Variants in TNFRSF1A observed in about 807,000 individuals in gnomAD.
The protein encoded by TNFRSF1A is tumor necrosis factor receptor superfamily member 1A.
A neutral mutation model predicts 41.6 loss-of-function variants in TNFRSF1A; 9 were observed. The observed-to-expected ratio is 0.22, with a 90% CI of 0.13 to 0.38. TNFRSF1A has a LOEUF of 0.38. Among genes scored for constraint, TNFRSF1A ranks in the 10% least tolerant of loss-of-function variants. The probability of loss-of-function intolerance (pLI) is 1.00; values close to 1 mark genes in which losing one functional copy is unlikely to be tolerated. For missense variants in TNFRSF1A, 463 were observed against 591.5 expected, an observed-to-expected ratio of 0.78 and a Z score of 2.25; for synonymous variants, 254 against 248.6, an observed-to-expected ratio of 1.02 and a Z score of -0.21.
At chr12:6,339,203 T>A (rs1948155825) in intron 1 of TNFRSF1A, among the ~76,000 whole-genome samples, 1 of 152,140 alleles carries the variant, frequency 6.6e-6, no homozygotes, top group South Asian at 2.1e-4. Flanking sequence ...CTTCCTCACA[T>A]CAGTATCCAA....
In TNFRSF1A at chr12:6,328,979, C is replaced by T. The variant is rs4149646; in HGVS notation, c.*333G>A. ...ACAAAAACAAAAAAAACTGCTTATGCACTGTGAAAAAGGCTCAGGGACGAA... is the reference window on the plus strand; with the variant it reads ...ACAAAAACAAAAAAAACTGCTTATGTACTGTGAAAAAGGCTCAGGGACGAA... On this transcript the variant is annotated 3_prime_UTR_variant, in exon 10 of 10. Transcript: ENST00000162749. The T allele has an allele frequency of 0.023, 7,928 of 352,354 alleles. 521 individuals carry two copies. The highest frequency in any genetic ancestry group is 0.15 in the African/African-American group (6,931 of 47,598). 21.8% of individuals were successfully genotyped at this position (352,354 alleles called of 1,614,324 possible).
At position 6,333,327 on chromosome 12, in the gene TNFRSF1A, G is replaced by C. The variant is rs549803373; in HGVS notation, c.472+40C>G. 14 of 1,606,536 alleles carry C rather than the reference G, an allele frequency of 8.7e-6. No individual in the cohort carries two copies. In the South Asian group the frequency reaches 1.3e-4, roughly 15 times the overall value. ...CGCATGGGGAAGGGGCCAACCCCTG[G>C]GGTGGGGAGAGGGCTTGGCCTCAGG... On this transcript the variant is annotated intron_variant, in intron 4 of 9. Coordinates refer to ENST00000162749, the MANE Select transcript of TNFRSF1A (RefSeq NM_001065.4). This position sits in a 1 kb window ranked among gnomAD's most constrained non-coding sequence, Gnocchi z 6.3.
At chr12:6,331,212 C>A (rs1592045573) in intron 5 of TNFRSF1A, 2 of 481,872 alleles carry the variant, frequency 4.2e-6, no homozygotes, top group African/African-American at 1.9e-5. Flanking sequence ...TGAATCTAGG[C>A]AAGCCATTAA....
rs751702101 is a variant in TNFRSF1A at position 6,337,878 on chromosome 12, G to A, written c.40-3634C>T. Among the ~76,000 whole-genome samples the A allele has an allele frequency of 2.6e-5, 4 of 152,082 alleles. No individual in the cohort carries two copies. The highest frequency in any genetic ancestry group is 4.4e-5 in the Non-Finnish European group (3 of 68,024). ...GCAGATAAATATGGATCAACTGATC[G>A]ATCTAATGATACATCTGTCTTCCAC... On this transcript the variant is annotated intron_variant, in intron 1 of 9. Coordinates refer to ENST00000162749, the MANE Select transcript of TNFRSF1A (RefSeq NM_001065.4). The surrounding 1 kb of genome is among the most constrained non-coding windows in gnomAD (Gnocchi z 4.6).
Position 6,334,271 on chromosome 12 carries a change from A to G in TNFRSF1A, c.40-27T>C. The G allele has an allele frequency of 6.2e-7, 1 of 1,605,456 alleles. No individual in the cohort carries two copies. The highest frequency in any genetic ancestry group is 1.7e-5 in the Admixed American group (1 of 59,796). On this transcript the variant is annotated intron_variant, in intron 1 of 9. Coordinates refer to ENST00000162749, the MANE Select transcript of TNFRSF1A (RefSeq NM_001065.4). This position sits in a 1 kb window ranked among gnomAD's most constrained non-coding sequence, Gnocchi z 5.1. ...TGGGGAAGAATCAGATAGAGGAGAC[A>G]CCATCAAGAGAGGGAGGGATGGGAA... is the stretch of plus-strand genomic sequence containing the variant.
intron 1 of TNFRSF1A, among the ~76,000 whole-genome samples, chr12:6,339,835 T>A (rs1948167341): frequency 7.7e-6 from 1 of 130,386 alleles, no homozygotes; most frequent in Non-Finnish European, 1.5e-5. Context: ...TCTCTCTCTC[T>A]CTCTCTCACA....
At position 6,334,187 on chromosome 12, in the gene TNFRSF1A, G is replaced by C; in HGVS notation, c.97C>G (p.His33Asp). 6.2e-7 allele frequency: 1 copy of C among 1,613,812 alleles called. No individual in the cohort carries two copies. The highest frequency in any genetic ancestry group is 8.5e-7 in the Non-Finnish European group (1 of 1,179,700). Residue 33 changes from histidine (H) to aspartate (D), a missense_variant, in exon 2 of 10, where the codon CAC becomes GAC. Coordinates refer to ENST00000162749, the MANE Select transcript of TNFRSF1A (RefSeq NM_001065.4). The surrounding 1 kb of genome is among the most constrained non-coding windows in gnomAD (Gnocchi z 5.1). ...YPSGVIGLVP[H>D]LGDREKRDSV... ...TCTCTCTTCTCCCTGTCCCCTAGGT[G>C]AGGGACCAGTCCAATAACCCCTGAG...
chr12:6,338,542 T>C (rs900386137), intron 1 of TNFRSF1A, among the ~76,000 whole-genome samples: 6 of 151,662 alleles, frequency 4.0e-5, no homozygotes, highest in African/African-American at 9.7e-5. Context: ...TCCATGGTCA[T>C]GGAAATGATC....
Position 6,341,374 on chromosome 12 carries a change from G to A in TNFRSF1A, c.39+402C>T, listed in dbSNP as rs757034924. Reference sequence around the variant, plus strand: ...CACCCTCCAGGCCAGCCAGCTGACCGGAGGGACAGAATTCAGAACCGTCTG... The same window carrying A: ...CACCCTCCAGGCCAGCCAGCTGACCAGAGGGACAGAATTCAGAACCGTCTG... On this transcript the variant is annotated intron_variant, in intron 1 of 9. Transcript: ENST00000162749. This position sits in a 1 kb window ranked among gnomAD's most constrained non-coding sequence, Gnocchi z 4.6. Among the ~76,000 whole-genome samples the A allele has an allele frequency of 3.3e-5, 5 of 152,130 alleles. No homozygotes were observed. The highest frequency in any genetic ancestry group is 4.8e-5 in the African/African-American group (2 of 41,418).
At chr12:6,339,336 C>T (rs1948157483) in intron 1 of TNFRSF1A, among the ~76,000 whole-genome samples, 2 of 152,168 alleles carry the variant, frequency 1.3e-5, no homozygotes, top group South Asian at 4.1e-4. Flanking sequence ...TTCCTTAATT[C>T]CTTCAGCAAA....
At chr12:6,340,236 G>A (rs943394075) in intron 1 of TNFRSF1A, among the ~76,000 whole-genome samples, 3 of 152,158 alleles carry the variant, frequency 2.0e-5, no homozygotes, top group Admixed American at 6.5e-5. Flanking sequence ...AGCCCAGAGC[G>A]CACACTTAAT....
intron 8 of TNFRSF1A, 40 bp downstream of exon 8, chr12:6,330,227 G>A (rs757835103): frequency 2.5e-6 from 4 of 1,613,980 alleles, no homozygotes; most frequent in Admixed American, 1.7e-5. Context: ...ATAAGGAATG[G>A]TCAGGGACAT....
Position 6,329,519 on chromosome 12 carries a change from C to A in TNFRSF1A, c.1161G>T (p.Arg387=). Reference sequence around the variant, plus strand: ...GGCAGCGCCCGTTCTGCAGCTCCAGCCGATCGATCTCGTGGTCGCTCAGCC... The same window carrying A: ...GGCAGCGCCCGTTCTGCAGCTCCAGACGATCGATCTCGTGGTCGCTCAGCC... ...RLGLSDHEID[R]LELQNGRCLR... The change falls in exon 10 of 10, where the codon CGG becomes CGT. Residue 387 remains arginine (R), a synonymous_variant. Coordinates refer to ENST00000162749, the MANE Select transcript of TNFRSF1A (RefSeq NM_001065.4). The A allele has an allele frequency of 1.3e-6, 2 of 1,595,300 alleles. No individual in the cohort carries two copies. Among genetic ancestry groups the A allele is most frequent in the African/African-American group, 1.3e-5 (1 of 74,846 alleles).
chr12:6,330,959 C>T, intron 5 of TNFRSF1A, 33 bp from the exon 6 acceptor site: 1 of 1,587,266 alleles, frequency 6.3e-7, no homozygotes, highest in Non-Finnish European at 8.6e-7. Flanking sequence ...TGAACAGAGG[C>T]CCTACCATTG....
At chr12:6,332,872 C>T (rs1156510391) in intron 5 of TNFRSF1A, among the ~76,000 whole-genome samples, 197 bp downstream of exon 5, 1 of 152,194 alleles carries the variant, frequency 6.6e-6, no homozygotes, top group Non-Finnish European at 1.5e-5. Context: ...GATCTTCCAT[C>T]CTCAAAGACT....
rs149607808 is a variant in TNFRSF1A at position 6,335,145 on chromosome 12, A to G, written c.40-901T>C. On this transcript the variant is annotated intron_variant, in intron 1 of 9. Coordinates refer to ENST00000162749, the MANE Select transcript of TNFRSF1A (RefSeq NM_001065.4). The stretch of plus-strand genomic sequence containing the variant: ...GGACAGAAGAAGGAAGTTTATTTAC[A>G]TGTTTGTATCAAACCTCAATCTGCC... Among the ~76,000 whole-genome samples, 64 of 152,260 alleles carry G rather than the reference A, an allele frequency of 4.2e-4. No individual in the cohort carries two copies. The East Asian group carries it at 0.012, about 28-fold the overall frequency.
Position 6,334,355 on chromosome 12 carries a change from C to T in TNFRSF1A, c.40-111G>A, listed in dbSNP as rs1565468486. Reference sequence around the variant, plus strand: ...TCAAGTCCTTCCTCAGTGAAACATTCCGCCCAGGCCACGCCACTCACTAAG... The same window carrying T: ...TCAAGTCCTTCCTCAGTGAAACATTTCGCCCAGGCCACGCCACTCACTAAG... On this transcript the variant is annotated intron_variant, in intron 1 of 9. Transcript: ENST00000162749. The surrounding 1 kb of genome is among the most constrained non-coding windows in gnomAD (Gnocchi z 5.1). 8.1e-5 allele frequency: 75 copies of T among 924,984 alleles called. 1 individual carries two copies. The South Asian group carries it at 1.1e-3, about 14-fold the overall frequency. 57.3% of individuals were successfully genotyped at this position (924,984 alleles called of 1,614,324 possible). A position where few individuals can be genotyped will look rare whatever the true frequency, so the allele number is the denominator to read the frequency against.
rs745775066 is a variant in TNFRSF1A, at chr12:6,341,394, C to T, written c.39+382G>A. ...TGACCGGAGGGACAGAATTCAGAAC[C>T]GTCTGGACTCCCCGAGCACTAATCT... On this transcript the variant is annotated intron_variant, in intron 1 of 9. Coordinates refer to ENST00000162749, the MANE Select transcript of TNFRSF1A (RefSeq NM_001065.4). This position sits in a 1 kb window ranked among gnomAD's most constrained non-coding sequence, Gnocchi z 4.6. Among the ~76,000 whole-genome samples the T allele has an allele frequency of 3.9e-5, 6 of 152,206 alleles. No individual in the cohort carries two copies. The highest frequency in any genetic ancestry group is 8.8e-5 in the Non-Finnish European group (6 of 68,026).
Position 6,329,518 on chromosome 12 carries a change from G to A in TNFRSF1A, c.1162C>T (p.Leu388=), listed in dbSNP as rs1244612932. 1.3e-6 allele frequency: 2 copies of A among 1,595,344 alleles called. No individual in the cohort carries two copies. The stretch of plus-strand genomic sequence containing the variant: ...AGGCAGCGCCCGTTCTGCAGCTCCA[G>A]CCGATCGATCTCGTGGTCGCTCAGC... ...LGLSDHEIDR[L]ELQNGRCLRE... is the part of the protein sequence containing the mutation. Residue 388 remains leucine, a synonymous_variant, in exon 10 of 10, where the codon CTG becomes TTG. Transcript: ENST00000162749.
Sources: gnomAD v4.1 joint callset for allele counts (sites outside exome capture counted in the v4.1 genomes callset) on GRCh38, gnomAD v4.1.1 for gene constraint, Gnocchi (gnomAD v3.1) non-coding constraint, MANE v1.5 for transcripts, NCBI Gene and HGNC (gene_info 2026-07-23, HGNC 2026-07-21) for gene names.